Variants in TNFRSF19 observed in about 807,000 individuals in gnomAD.
The protein encoded by TNFRSF19 is tumor necrosis factor receptor superfamily member 19.
In TNFRSF19, 27 loss-of-function variants were observed where a neutral mutation model predicts 46.4. That is an observed-to-expected ratio of 0.58 (90% CI 0.43 to 0.80). The LOEUF is 0.80. Among genes scored for constraint, TNFRSF19 ranks in the 30% least tolerant of loss-of-function variants. The pLI, the probability that TNFRSF19 is intolerant of heterozygous loss-of-function variation, is 0.00. For synonymous variants in TNFRSF19, 204 were observed against 205.0 expected (o/e 1.00, Z 0.04); for missense variants, 511 against 530.8 (o/e 0.96, Z 0.37).
chr13:23,663,697 G>A (rs990145463), intron 7 of TNFRSF19, among the ~76,000 whole-genome samples: 1 of 152,042 alleles, frequency 6.6e-6, no homozygotes, highest in African/African-American at 2.4e-5. Context: ...GCTCATTTTC[G>A]TTCTGTTCAG....
chr13:23,606,475 A>G (rs1404840367), intron 3 of TNFRSF19, among the ~76,000 whole-genome samples: 3 of 152,210 alleles, frequency 2.0e-5, no homozygotes, highest in Non-Finnish European at 4.4e-5. Context: ...CCATGTTACC[A>G]CATGCCTGCC....
intron 1 of TNFRSF19, among the ~76,000 whole-genome samples, chr13:23,582,133 C>T (rs1309136281): frequency 1.3e-5 from 2 of 150,744 alleles, no homozygotes; most frequent in African/African-American, 4.9e-5. Flanking sequence ...GTAATCCCAG[C>T]ACTTTGGGAG....
At chr13:23,582,165 G>T (rs1878484941) in intron 1 of TNFRSF19, among the ~76,000 whole-genome samples, 1 of 149,952 alleles carries the variant, frequency 6.7e-6, no homozygotes, top group Non-Finnish European at 1.5e-5. Context: ...CGGATCAGGT[G>T]GTCAGGAGAT....
intron 7 of TNFRSF19, among the ~76,000 whole-genome samples, 173 bp downstream of exon 7, chr13:23,660,663 G>C (rs531139511): frequency 4.1e-4 from 63 of 152,116 alleles, no homozygotes; most frequent in Middle Eastern, 3.2e-3. Context: ...TGGGTGTTTC[G>C]AGTCTCTTAA....
intron 7 of TNFRSF19, among the ~76,000 whole-genome samples, chr13:23,667,167 A>T (rs1474781666): frequency 6.6e-6 from 1 of 151,568 alleles, no homozygotes; most frequent in Non-Finnish European, 1.5e-5. Flanking sequence ...TGAGAAATCA[A>T]GAAGGCTGTT....
chr13:23,614,769 A>ATATATG (rs59907466), intron 3 of TNFRSF19, among the ~76,000 whole-genome samples: 6 of 147,138 alleles, frequency 4.1e-5, no homozygotes, highest in African/African-American at 1.0e-4. Context: ...ATATATATAT[A>ATATATG]GTACCTGGCA....
At chr13:23,601,183 G>A (rs1216709530) in intron 3 of TNFRSF19, among the ~76,000 whole-genome samples, 1 of 152,014 alleles carries the variant, frequency 6.6e-6, no homozygotes, top group Non-Finnish European at 1.5e-5. Flanking sequence ...GCCCAAAAAT[G>A]ACACCAAGTA....
intron 2 of TNFRSF19, among the ~76,000 whole-genome samples, chr13:23,592,930 G>T (rs538054244): frequency 7.9e-5 from 12 of 151,890 alleles, no homozygotes; most frequent in South Asian, 2.1e-4. Flanking sequence ...TTTCAATTCA[G>T]ATTTTTTTCT....
At chr13:23,646,936 T>G (rs1300460150) in intron 5 of TNFRSF19, among the ~76,000 whole-genome samples, 1 of 152,210 alleles carries the variant, frequency 6.6e-6, no homozygotes, top group Admixed American at 6.5e-5. Context: ...TCTCCACATC[T>G]CCACCAAAAC....
At chr13:23,614,151 G>A (rs1393446149) in intron 3 of TNFRSF19, among the ~76,000 whole-genome samples, 2 of 152,122 alleles carry the variant, frequency 1.3e-5, no homozygotes, top group Non-Finnish European at 2.9e-5. Context: ...GGAGCTCTCA[G>A]GAGTGAGGAG....
intron 4 of TNFRSF19, among the ~76,000 whole-genome samples, chr13:23,623,652 C>A (rs1593265096): frequency 1.3e-5 from 2 of 152,102 alleles, no homozygotes; most frequent in African/African-American, 2.4e-5. Context: ...TGACAGTAGC[C>A]ATCCTTATGG....
At chr13:23,653,322 T>A (rs1883763318) in intron 5 of TNFRSF19, among the ~76,000 whole-genome samples, 1 of 152,234 alleles carries the variant, frequency 6.6e-6, no homozygotes, top group South Asian at 2.1e-4. Flanking sequence ...TGGACCTAGC[T>A]TAACGACGAG....
rs960408959 is a variant in TNFRSF19 at position 23,598,586 on chromosome 13, G to A, written c.180+5131G>A. ...CTTTGACAGTATGTGTCTTATTATTGATCTCACCACAGTGAGTGTATGTTA... is the reference window on the plus strand; with the variant it reads ...CTTTGACAGTATGTGTCTTATTATTAATCTCACCACAGTGAGTGTATGTTA... On this transcript the variant is annotated intron_variant, in intron 3 of 9. Coordinates refer to ENST00000248484, the MANE Select transcript of TNFRSF19 (RefSeq NM_148957.4). Among the ~76,000 whole-genome samples, 6 of 152,090 alleles carry A rather than the reference G, an allele frequency of 3.9e-5. No individual in the cohort carries two copies. The South Asian group carries it at 8.3e-4, about 21-fold the overall frequency.
At chr13:23,630,630 C>A (rs1276446742) in intron 5 of TNFRSF19, among the ~76,000 whole-genome samples, 1 of 152,202 alleles carries the variant, frequency 6.6e-6, no homozygotes, top group Non-Finnish European at 1.5e-5. Flanking sequence ...CATAGAAATG[C>A]CTGCTGCAGG....
chr13:23,629,761 G>A (rs930907943), intron 5 of TNFRSF19, among the ~76,000 whole-genome samples: 3 of 152,210 alleles, frequency 2.0e-5, no homozygotes, highest in East Asian at 1.9e-4. Flanking sequence ...TACCTGCCCC[G>A]GGGCAAGCTC....
intron 7 of TNFRSF19, among the ~76,000 whole-genome samples, chr13:23,667,120 G>GATATATAT (rs746299138): frequency 0.016 from 1,358 of 87,610 alleles, 18 homozygotes; most frequent in East Asian, 0.043. Context: ...AAATCAGAGT[G>GATATATAT]ATATATATAT....
At chr13:23,581,111 T>G (rs1403378787) in intron 1 of TNFRSF19, among the ~76,000 whole-genome samples, 1 of 151,668 alleles carries the variant, frequency 6.6e-6, no homozygotes, top group Non-Finnish European at 1.5e-5. Flanking sequence ...AATGTCGATG[T>G]GCCTTTTCTT....
At chr13:23,578,459 G>A (rs1032078008) in intron 1 of TNFRSF19, among the ~76,000 whole-genome samples, 3 of 152,154 alleles carry the variant, frequency 2.0e-5, no homozygotes, top group African/African-American at 7.2e-5. Context: ...GTGCTTTTGG[G>A]CAATTAAATA....
intron 5 of TNFRSF19, among the ~76,000 whole-genome samples, chr13:23,633,002 C>T (rs116001000): frequency 6.6e-6 from 1 of 152,174 alleles, no homozygotes; most frequent in Non-Finnish European, 1.5e-5. Flanking sequence ...TAATGACTGA[C>T]CCCTGAGGTT....
Sources: allele counts gnomAD v4.1 joint callset (sites outside exome capture counted in the v4.1 genomes callset), GRCh38; gene constraint gnomAD v4.1.1; transcripts MANE v1.5; gene names NCBI Gene and HGNC (gene_info 2026-07-23, HGNC 2026-07-21).